Variants in HIVEP1 observed in about 807,000 individuals in gnomAD.
HIVEP1 encodes HIVEP zinc finger 1, also known as zinc finger protein 40.
In HIVEP1, 36 loss-of-function variants were observed where a neutral mutation model predicts 180.0. That is an observed-to-expected ratio of 0.20 (90% CI 0.15 to 0.26). The LOEUF (loss-of-function observed/expected upper bound fraction) is 0.26. Ranked by LOEUF, HIVEP1 falls within the 10% of genes least tolerant of loss-of-function variation. The pLI, the probability that HIVEP1 is intolerant of heterozygous loss-of-function variation, is 1.00. For missense variants in HIVEP1, 3,143 were observed against 3,268.7 expected (o/e 0.96, Z 0.94); for synonymous variants, 1,239 against 1,239.0 (o/e 1.00, Z 0.00).
At chr6:12,039,712 C>G (rs771369419) in intron 2 of HIVEP1, among the ~76,000 whole-genome samples, 1 of 152,170 alleles carries the variant, frequency 6.6e-6, no homozygotes, top group Non-Finnish European at 1.5e-5. Flanking sequence ...ACTCAGGGAA[C>G]GACCTCATTG....
intron 2 of HIVEP1, among the ~76,000 whole-genome samples, chr6:12,057,650 G>A (rs369089552): frequency 2.0e-5 from 3 of 152,252 alleles, no homozygotes; most frequent in Admixed American, 1.3e-4. Context: ...CCATCAGTTG[G>A]TATCTCCTAA....
intron 2 of HIVEP1, among the ~76,000 whole-genome samples, chr6:12,070,074 T>C (rs1031088182): frequency 1.3e-5 from 2 of 152,166 alleles, no homozygotes; most frequent in African/African-American, 4.8e-5. Context: ...GTGACACATA[T>C]GGAGCTGTCA....
chr6:12,138,382 C>T (rs1349013660), intron 7 of HIVEP1, among the ~76,000 whole-genome samples: 1 of 152,168 alleles, frequency 6.6e-6, no homozygotes, highest in African/African-American at 2.4e-5. Context: ...CAAACTTTTA[C>T]TCCATTAAAC....
chr6:12,046,615 C>A (rs958078691), intron 2 of HIVEP1, among the ~76,000 whole-genome samples: 2 of 151,830 alleles, frequency 1.3e-5, no homozygotes, highest in Non-Finnish European at 2.9e-5. Context: ...CCTGTCTTTA[C>A]CAAAAATACA....
At chr6:12,046,876 T>TGTGTGTGTGTGTGTGTG (rs1561885761) in intron 2 of HIVEP1, among the ~76,000 whole-genome samples, 61 of 151,016 alleles carry the variant, frequency 4.0e-4, no homozygotes, top group South Asian at 1.5e-3. Context: ...TGTGTGTGTG[T>TGTGTGTGTGTGTGTGTG]TTGAGATGGA....
At chr6:12,030,073 G>A (rs1030462243) in intron 2 of HIVEP1, among the ~76,000 whole-genome samples, 2 of 152,038 alleles carry the variant, frequency 1.3e-5, no homozygotes. Flanking sequence ...TAGAATTCTT[G>A]GTTGATAGGG....
At chr6:12,013,215 CT>C (rs1159574826) in intron 1 of HIVEP1, among the ~76,000 whole-genome samples, 1 of 150,250 alleles carries the variant, frequency 6.7e-6, no homozygotes, top group Non-Finnish European at 1.5e-5. Flanking sequence ...CATTCCCCCC[CT>C]CCTCCTGGCA....
chr6:12,165,123 CTT>C (rs778680717), downstream of HIVEP1: 1 of 515,408 alleles, frequency 1.9e-6, no homozygotes, highest in Non-Finnish European at 3.9e-6. Flanking sequence ...TAAACAGAGA[CTT>C]TACTCGCCTT....
intron 7 of HIVEP1, among the ~76,000 whole-genome samples, chr6:12,147,167 G>GTGCAGGGA (rs1466755741): frequency 6.6e-6 from 1 of 152,180 alleles, no homozygotes; most frequent in Non-Finnish European, 1.5e-5. Flanking sequence ...AATAGATGCT[G>GTGCAGGGA]TGCAGGGGAG....
chr6:12,032,686 AG>A (rs1268274764), intron 2 of HIVEP1, among the ~76,000 whole-genome samples: 2 of 152,206 alleles, frequency 1.3e-5, no homozygotes, highest in Non-Finnish European at 2.9e-5. Context: ...ACTGGTACTT[AG>A]TAGCTATTCA....
rs537994382 is a variant in HIVEP1, at chr6:12,141,321, T to C, written c.6487+5429T>C. Among the ~76,000 whole-genome samples, 3 of 152,064 alleles carry C rather than the reference T, an allele frequency of 2.0e-5. No individual in the cohort carries two copies. In the South Asian group the frequency reaches 6.2e-4, roughly 32 times the overall value. On this transcript the variant is annotated intron_variant, in intron 7 of 8. Coordinates refer to ENST00000379388, the MANE Select transcript of HIVEP1 (RefSeq NM_002114.4). Reference sequence around the variant, plus strand: ...AAATCCTTTATAGACAAGCAAATGCTGAGAGATTTTGTCACCACCAGACCT... The same window carrying C: ...AAATCCTTTATAGACAAGCAAATGCCGAGAGATTTTGTCACCACCAGACCT...
At chr6:12,113,059 TG>T (rs367924898) in intron 3 of HIVEP1, among the ~76,000 whole-genome samples, 305 of 151,958 alleles carry the variant, frequency 2.0e-3, no homozygotes, top group African/African-American at 6.8e-3. Context: ...CTTACACGCT[TG>T]GGGCACTTCT....
the HIVEP1 span, among the ~76,000 whole-genome samples, chr6:12,189,595 G>A: frequency 2.0e-5 from 3 of 151,924 alleles, no homozygotes; most frequent in African/African-American, 4.8e-5. Flanking sequence ...TTCCACGAAC[G>A]ATTAACAACA....
At chr6:12,142,663 G>A (rs1016140102) in intron 7 of HIVEP1, among the ~76,000 whole-genome samples, 2 of 152,026 alleles carry the variant, frequency 1.3e-5, no homozygotes, top group African/African-American at 4.8e-5. Flanking sequence ...AGAAAAGAGA[G>A]AAGAATCAAA....
chr6:12,100,261 A>G (rs1774038833), intron 3 of HIVEP1, among the ~76,000 whole-genome samples: 1 of 152,176 alleles, frequency 6.6e-6, no homozygotes, highest in Non-Finnish European at 1.5e-5. Context: ...CTAGTAAACT[A>G]TCTGCTAGCT....
intron 7 of HIVEP1, among the ~76,000 whole-genome samples, chr6:12,158,283 G>C (rs1760179199): frequency 6.6e-6 from 1 of 152,128 alleles, no homozygotes; most frequent in Non-Finnish European, 1.5e-5. Context: ...GGGAGTTAGA[G>C]TTTATCTAGT....
Position 12,120,493 on chromosome 6 carries a change from C to T in HIVEP1, c.698C>T (p.Pro233Leu), listed in dbSNP as rs1433660345. 18 of 1,614,176 alleles carry T rather than the reference C, an allele frequency of 1.1e-5. No homozygotes were observed. Among genetic ancestry groups the T allele is most frequent in the Non-Finnish European group, 1.5e-5 (18 of 1,180,030 alleles). ...KLRPNKTARSPPKLKNSSMDA... is the reference protein window; with the variant it reads ...KLRPNKTARSLPKLKNSSMDA... ...AGGCCAAATAAAACTGCACGTTCCCCTCCCAAATTAAAAAACAGTTCAATG... is the reference window on the plus strand; with the variant it reads ...AGGCCAAATAAAACTGCACGTTCCCTTCCCAAATTAAAAAACAGTTCAATG... Residue 233 changes from proline (P) to leucine (L), a missense_variant, in exon 4 of 9, where the codon CCT becomes CTT. Around this residue, in one of 12 missense-constraint regions of HIVEP1, gnomAD observed 306 missense variants for 310.6 expected, o/e 0.99. Coordinates refer to ENST00000379388, the MANE Select transcript of HIVEP1 (RefSeq NM_002114.4).
intron 2 of HIVEP1, among the ~76,000 whole-genome samples, chr6:12,034,594 T>C (rs1769161113): frequency 6.6e-6 from 1 of 152,206 alleles, no homozygotes; most frequent in East Asian, 1.9e-4. Flanking sequence ...ATGAAAACTG[T>C]CAGGAGAGAC....
At chr6:12,078,626 CAT>C (rs1361764965) in intron 2 of HIVEP1, among the ~76,000 whole-genome samples, 14 of 101,992 alleles carry the variant, frequency 1.4e-4, no homozygotes, top group East Asian at 5.0e-4. Flanking sequence ...AAAATACATA[CAT>C]ATATATACAC....
Sources: allele counts gnomAD v4.1 joint callset (sites outside exome capture counted in the v4.1 genomes callset), GRCh38; gene constraint gnomAD v4.1.1; regional missense constraint gnomAD v4.1.1; transcripts MANE v1.5; gene names NCBI Gene and HGNC (gene_info 2026-07-23, HGNC 2026-07-21).